Variants in ACSM2A observed in about 807,000 individuals in gnomAD.
ACSM2A encodes the protein acyl-coenzyme A synthetase ACSM2A, mitochondrial.
Under a neutral mutation model 76.6 loss-of-function variants are expected in ACSM2A, and 72 were observed. The ratio of observed to expected loss-of-function variants is 0.94; its 90% CI spans 0.78 to 1.14. The LOEUF is 1.14. Among genes scored for constraint, ACSM2A ranks in the 50% most tolerant of loss-of-function variants. The probability of loss-of-function intolerance (pLI) is 0.00; values close to 1 mark genes in which losing one functional copy is unlikely to be tolerated. For synonymous variants in ACSM2A, 249 were observed against 255.9 expected, an observed-to-expected ratio of 0.97 and a Z score of 0.26; for missense variants, 684 against 708.5, an observed-to-expected ratio of 0.97 and a Z score of 0.39.
At chr16:20,468,308 C>G (rs910017610) in intron 3 of ACSM2A, among the ~76,000 whole-genome samples, 1 of 152,308 alleles carries the variant, frequency 6.6e-6, no homozygotes, top group African/African-American at 2.4e-5. Context: ...TTTAACAGGA[C>G]AGGCATGTGG....
rs1480880830 is a variant in ACSM2A, at chr16:20,472,811, A to T, written c.894+1122A>T. 4.6e-5 allele frequency among the ~76,000 whole-genome samples: 7 copies of T among 152,200 alleles called. No individual in the cohort carries two copies. The East Asian group carries it at 1.3e-3, about 29-fold the overall frequency. ...TTAGTCCACGTGTTGCATGTATCAG[A>T]TGTTTGTTGTTTTAGCTGGCTGCAA... On this transcript the variant is annotated intron_variant, in intron 6 of 13. Coordinates refer to ENST00000573854, the MANE Select transcript of ACSM2A (RefSeq NM_001308172.2).
chr16:20,468,166 G>T (rs1339254211), intron 3 of ACSM2A, among the ~76,000 whole-genome samples: 1 of 152,168 alleles, frequency 6.6e-6, no homozygotes, highest in Non-Finnish European at 1.5e-5. Flanking sequence ...CAGAGGAAGA[G>T]ATGTGTCTAT....
chr16:20,482,616 G>C (rs2014148327), intron 12 of ACSM2A: 1 of 163,052 alleles, frequency 6.1e-6, no homozygotes, highest in African/African-American at 2.4e-5. Context: ...AAAATCCTGT[G>C]TGCCCAGCTC....
intron 6 of ACSM2A, 117 bp from the exon 7 acceptor site, chr16:20,475,245 C>A: frequency 6.4e-7 from 1 of 1,570,622 alleles, no homozygotes. Flanking sequence ...AGTAAACAAG[C>A]TAGGGTTTTC....
chr16:20,454,714 C>A (rs2012018955), intron 1 of ACSM2A, among the ~76,000 whole-genome samples: 3 of 151,894 alleles, frequency 2.0e-5, no homozygotes, highest in African/African-American at 2.4e-5. Flanking sequence ...TGAGAAGGAA[C>A]CAGGAAAACG....
chr16:20,485,031 G>A (rs1164734818), intron 13 of ACSM2A, among the ~76,000 whole-genome samples: 1 of 152,088 alleles, frequency 6.6e-6, no homozygotes, highest in Non-Finnish European at 1.5e-5. Context: ...TAACCTCTGT[G>A]ATCCTCAGTT....
chr16:20,475,438 C>T lies in ACSM2A; in HGVS notation c.971C>T (p.Ser324Phe). 6.2e-7 allele frequency: 1 copy of T among 1,613,768 alleles called. No individual in the cohort carries two copies. Among genetic ancestry groups the T allele is most frequent in the Non-Finnish European group, 8.5e-7 (1 of 1,179,728 alleles). Residue 324 changes from serine (S) to phenylalanine (F), a missense_variant, in exon 7 of 14, where the codon TCC becomes TTC. Transcript: ENST00000573854. ...VYRMLLQQDL[S>F]SYKFPHLQNC... ...CGGATGTTGCTACAGCAGGATCTTT[C>T]CAGGTGATGGGGCTTTGAGGATTGG...
intron 4 of ACSM2A, 21 bp downstream of exon 4, chr16:20,469,740 G>T (rs553181152): frequency 1.9e-4 from 313 of 1,613,100 alleles, no homozygotes; most frequent in East Asian, 5.1e-4. Flanking sequence ...ACATGTCTCA[G>T]CCTGGGTTTT....
chr16:20,466,285 A>G (rs1239448886), intron 3 of ACSM2A, among the ~76,000 whole-genome samples: 2 of 152,224 alleles, frequency 1.3e-5, no homozygotes, highest in Admixed American at 6.5e-5. Context: ...GAATTAACCA[A>G]TATGAGGAGC....
rs1281798961 is a variant in ACSM2A at position 20,487,235 on chromosome 16, A to T, written c.*557A>T. 1.3e-5 allele frequency: 2 copies of T among 152,268 alleles called. No homozygotes were observed. Among genetic ancestry groups the T allele is most frequent in the Non-Finnish European group, 2.9e-5 (2 of 68,096 alleles). 9.4% of individuals were successfully genotyped at this position (152,268 alleles called of 1,614,324 possible). A position where few individuals can be genotyped will look rare whatever the true frequency, so the allele number is the denominator to read the frequency against. Reference sequence around the variant, plus strand: ...ATAAAGAAAAGTAATGGAAGACAGGAAGAAAAGAAGAGAAGGAAGTAAAGA... The same window carrying T: ...ATAAAGAAAAGTAATGGAAGACAGGTAGAAAAGAAGAGAAGGAAGTAAAGA... On this transcript the variant is annotated 3_prime_UTR_variant, in exon 14 of 14. Transcript: ENST00000573854.
intron 5 of ACSM2A, 141 bp downstream of exon 5, chr16:20,471,357 G>C: frequency 2.0e-6 from 3 of 1,497,734 alleles, no homozygotes; most frequent in Non-Finnish European, 2.7e-6. Flanking sequence ...AGGATGTGTG[G>C]ATAGAACAAC....
chr16:20,465,075 G>A (rs1159001034), intron 2 of ACSM2A, among the ~76,000 whole-genome samples: 3 of 152,070 alleles, frequency 2.0e-5, no homozygotes, highest in African/African-American at 7.2e-5. Flanking sequence ...GGTACATGTT[G>A]GTACTCACAA....
intron 8 of ACSM2A, chr16:20,476,512 T>C (rs1398566182): frequency 1.0e-6 from 1 of 985,252 alleles, no homozygotes; most frequent in Non-Finnish European, 1.2e-6. Flanking sequence ...CAGGAAGAGC[T>C]CTGCAAATAT....
intron 1 of ACSM2A, among the ~76,000 whole-genome samples, chr16:20,459,878 G>A (rs1259664596): frequency 6.6e-6 from 1 of 152,182 alleles, no homozygotes; most frequent in African/African-American, 2.4e-5. Context: ...TGTCAGAAGT[G>A]TTGAAGATGT....
intron 12 of ACSM2A, chr16:20,482,315 G>A (rs530358753): frequency 6.6e-6 from 1 of 152,104 alleles, no homozygotes; most frequent in Non-Finnish European, 1.5e-5. Flanking sequence ...AACAGAGGAG[G>A]GATTTGAGCC....
intron 2 of ACSM2A, among the ~76,000 whole-genome samples, chr16:20,461,221 T>C (rs1381356936): frequency 1.4e-5 from 2 of 147,740 alleles, no homozygotes; most frequent in Non-Finnish European, 3.0e-5. Context: ...TTCCCTACAC[T>C]ATGAAACAGT....
intron 13 of ACSM2A, 99 bp downstream of exon 13, chr16:20,483,276 A>C (rs1164693423): frequency 6.5e-7 from 1 of 1,539,206 alleles, no homozygotes; most frequent in African/African-American, 1.4e-5. Context: ...TCTAATTTTA[A>C]AAAGTCTTCC....
chr16:20,485,459 C>T (rs576289646), intron 13 of ACSM2A, among the ~76,000 whole-genome samples: 27 of 152,326 alleles, frequency 1.8e-4, no homozygotes, highest in African/African-American at 6.3e-4. Flanking sequence ...CCTCCTGTGG[C>T]TTTCATCCAC....
At chr16:20,458,986 G>A (rs188164174) in intron 1 of ACSM2A, among the ~76,000 whole-genome samples, 1 of 144,858 alleles carries the variant, frequency 6.9e-6, no homozygotes, top group Non-Finnish European at 1.5e-5. Flanking sequence ...TGACTTAGTG[G>A]CATTCGCAGC....
Sources: allele counts gnomAD v4.1 joint callset (sites outside exome capture counted in the v4.1 genomes callset), GRCh38; gene constraint gnomAD v4.1.1; transcripts MANE v1.5; gene names NCBI Gene and HGNC (gene_info 2026-07-23, HGNC 2026-07-21).